Variants in FGF12 observed in about 807,000 individuals in gnomAD.
The protein encoded by FGF12 is fibroblast growth factor 12.
In FGF12, 14 loss-of-function variants were observed where a neutral mutation model predicts 23.6. That is an observed-to-expected ratio of 0.59 (90% CI 0.39 to 0.93). FGF12 has a LOEUF of 0.93. Among genes scored for constraint, FGF12 ranks in the 40% least tolerant of loss-of-function variants. The pLI, the probability that FGF12 is intolerant of heterozygous loss-of-function variation, is 0.00. For missense variants in FGF12, 175 were observed against 217.8 expected (o/e 0.80, Z 1.24); for synonymous variants, 62 against 77.3 (o/e 0.80, Z 1.04).
chr3:192,406,827 C>T (rs552954412), intron 2 of FGF12, among the ~76,000 whole-genome samples: 59 of 152,280 alleles, frequency 3.9e-4, no homozygotes, highest in Non-Finnish European at 7.9e-4. Flanking sequence ...CCAAGTGTCG[C>T]CCTTCATCCA....
intron 2 of FGF12, among the ~76,000 whole-genome samples, chr3:192,612,267 A>G (rs1354170352): frequency 1.3e-5 from 2 of 151,754 alleles, no homozygotes; most frequent in Non-Finnish European, 1.5e-5. Context: ...GATTTTTTTT[A>G]TATTTTCTCC....
At chr3:192,376,862 C>T (rs1000877326) in intron 2 of FGF12, among the ~76,000 whole-genome samples, 1 of 151,984 alleles carries the variant, frequency 6.6e-6, no homozygotes, top group Non-Finnish European at 1.5e-5. Context: ...TGGTTTATAT[C>T]CTTGTATGGT....
intron 2 of FGF12, among the ~76,000 whole-genome samples, chr3:192,644,228 A>T (rs1257458633): frequency 1.3e-5 from 2 of 152,158 alleles, no homozygotes; most frequent in Non-Finnish European, 2.9e-5. Context: ...TTTTTAGAAC[A>T]AACCATAACT....
At chr3:192,246,254 A>C (rs1162591472) in intron 4 of FGF12, among the ~76,000 whole-genome samples, 1 of 152,172 alleles carries the variant, frequency 6.6e-6, no homozygotes, top group African/African-American at 2.4e-5. Flanking sequence ...AAGAAAGCAA[A>C]AGGATCACTG....
At chr3:192,218,442 T>C (rs945267275) in intron 4 of FGF12, among the ~76,000 whole-genome samples, 3 of 152,156 alleles carry the variant, frequency 2.0e-5, no homozygotes, top group African/African-American at 7.2e-5. Context: ...TTAAATACTA[T>C]CCCTTTGGTG....
chr3:192,162,671 G>A (rs984058857), intron 5 of FGF12, among the ~76,000 whole-genome samples: 4 of 152,064 alleles, frequency 2.6e-5, no homozygotes, highest in Non-Finnish European at 4.4e-5. Context: ...TTGTCTTTCA[G>A]TATGGTTGGG....
chr3:192,582,133 T>C (rs1361917672), intron 2 of FGF12, among the ~76,000 whole-genome samples: 1 of 151,324 alleles, frequency 6.6e-6, no homozygotes, highest in Non-Finnish European at 1.5e-5. Context: ...CTTTGCATTT[T>C]ATTTCAGAAT....
intron 2 of FGF12, chr3:192,407,964 T>C (rs1438810984): frequency 1.3e-6 from 2 of 1,508,718 alleles, no homozygotes; most frequent in Non-Finnish European, 1.8e-6. Context: ...CCCGAGGTGC[T>C]TTGAGGAGGG....
At chr3:192,717,060 A>G (rs1272385356) in intron 2 of FGF12, among the ~76,000 whole-genome samples, 1 of 152,218 alleles carries the variant, frequency 6.6e-6, no homozygotes, top group African/African-American at 2.4e-5. Context: ...TGATTCCTCA[A>G]GTCTGTATCT....
chr3:192,538,551 G>A (rs1185514659), intron 2 of FGF12, among the ~76,000 whole-genome samples: 1 of 152,196 alleles, frequency 6.6e-6, no homozygotes, highest in East Asian at 1.9e-4. Flanking sequence ...GTCAAGTAAT[G>A]AGATTCCTCT....
chr3:192,627,655 T>A (rs1715220698), intron 2 of FGF12, among the ~76,000 whole-genome samples: 1 of 152,180 alleles, frequency 6.6e-6, no homozygotes, highest in Non-Finnish European at 1.5e-5. Flanking sequence ...AGTAGGGATA[T>A]CATTTATTTG....
At chr3:192,485,263 C>T (rs551035019) in intron 2 of FGF12, among the ~76,000 whole-genome samples, 2 of 152,088 alleles carry the variant, frequency 1.3e-5, no homozygotes, top group South Asian at 2.1e-4. Flanking sequence ...AATTTTGAAA[C>T]GAATGTTTCT....
chr3:192,681,273 A>G (rs1251146480), intron 2 of FGF12, among the ~76,000 whole-genome samples: 1 of 152,252 alleles, frequency 6.6e-6, no homozygotes, highest in African/African-American at 2.4e-5. Context: ...AAGGGGTGAC[A>G]TAAAGTCAGA....
rs1183722258 is a variant in FGF12, at chr3:192,408,918, G to A, written c.14-48380C>T. The A allele has an allele frequency of 1.0e-6, 1 of 985,256 alleles. No homozygotes were observed. Among genetic ancestry groups the A allele is most frequent in the African/African-American group, 1.7e-5 (1 of 57,212 alleles). 61.0% of individuals were successfully genotyped at this position (985,256 alleles called of 1,614,324 possible). ...GCATCGCGCCGGCTGCGGCTTTCCA[G>A]GGGCCGGCCACCCGAGTTCTGGAAT... is the stretch of plus-strand genomic sequence containing the variant. On this transcript the variant is annotated intron_variant, in intron 2 of 5. Coordinates refer to ENST00000445105, the MANE Select transcript of FGF12 (RefSeq NM_004113.6). This position sits in a 1 kb window ranked among gnomAD's most constrained non-coding sequence, Gnocchi z 7.3.
At chr3:192,636,486 T>A (rs1253341654) in intron 2 of FGF12, among the ~76,000 whole-genome samples, 10 of 152,202 alleles carry the variant, frequency 6.6e-5, no homozygotes, top group African/African-American at 2.4e-4. Flanking sequence ...TCTGCACAAG[T>A]CAATTCTTAA....
chr3:192,576,572 T>C (rs1328342017), intron 2 of FGF12, among the ~76,000 whole-genome samples: 1 of 152,152 alleles, frequency 6.6e-6, no homozygotes, highest in Non-Finnish European at 1.5e-5. Context: ...TGCTATGGCC[T>C]CTCCTTATAC....
intron 4 of FGF12, among the ~76,000 whole-genome samples, chr3:192,302,187 G>A (rs575044763): frequency 4.6e-5 from 7 of 152,252 alleles, no homozygotes; most frequent in African/African-American, 1.2e-4. Context: ...GGTGGCCTTA[G>A]GCAGGTCATG....
intron 2 of FGF12, among the ~76,000 whole-genome samples, chr3:192,506,759 T>G (rs10937550): frequency 0.76 from 115,727 of 151,998 alleles, 44,682 homozygotes; most frequent in East Asian, 0.84. Context: ...TGCTAATTTT[T>G]GGCCACAAAG....
chr3:192,705,467 A>T (rs1718436900), intron 2 of FGF12, among the ~76,000 whole-genome samples: 1 of 152,258 alleles, frequency 6.6e-6, no homozygotes, highest in African/African-American at 2.4e-5. Context: ...CACTGGAAAC[A>T]GATTTTGGTG....
Sources: allele counts gnomAD v4.1 joint callset (sites outside exome capture counted in the v4.1 genomes callset), GRCh38; gene constraint gnomAD v4.1.1; non-coding constraint Gnocchi (gnomAD v3.1); transcripts MANE v1.5; gene names NCBI Gene and HGNC (gene_info 2026-07-23, HGNC 2026-07-21).